Variants in PCDH15 observed in about 807,000 individuals in gnomAD.
PCDH15 encodes protocadherin related 15, also known as protocadherin-15.
In PCDH15, 129 loss-of-function variants were observed where a neutral mutation model predicts 178.5. That is an observed-to-expected ratio of 0.72 (90% CI 0.63 to 0.84). The LOEUF is 0.84. Ranked by LOEUF, PCDH15 falls within the 40% of genes least tolerant of loss-of-function variation. PCDH15 has a pLI of 0.00. For synonymous variants in PCDH15, 800 were observed against 732.0 expected, an observed-to-expected ratio of 1.09 and a Z score of -1.50; for missense variants, 2,230 against 2,099.9, an observed-to-expected ratio of 1.06 and a Z score of -1.21.
chr10:54,894,593 A>G (rs1179565150), intron 3 of PCDH15, among the ~76,000 whole-genome samples: 1 of 152,190 alleles, frequency 6.6e-6, no homozygotes, highest in Non-Finnish European at 1.5e-5. Flanking sequence ...TTGACTGTCT[A>G]TACCTGTAAC....
intron 9 of PCDH15, among the ~76,000 whole-genome samples, chr10:54,230,049 T>G (rs1480582074): frequency 2.0e-5 from 3 of 152,210 alleles, no homozygotes; most frequent in Non-Finnish European, 2.9e-5. Flanking sequence ...CTGATTCAGT[T>G]CTGGGATCAG....
intron 1 of PCDH15, among the ~76,000 whole-genome samples, chr10:55,318,062 A>G (rs1843774831): frequency 6.6e-6 from 1 of 152,202 alleles, no homozygotes; most frequent in African/African-American, 2.4e-5. Flanking sequence ...CCAAGTTTAG[A>G]GCGTAAAACA....
In PCDH15 at chr10:55,413,527, T is replaced by C. The variant is rs114092146; in HGVS notation, c.-156+214098A>G. On this transcript the variant is annotated intron_variant, in intron 2 of 5. Coordinates refer to the PCDH15 transcript ENST00000613346. ...CTGCTCTAAAATAGAAGGGGACTTA[T>C]ACTAGTAAAAATTCTATATATTTGG... Among the ~76,000 whole-genome samples, 641 of 151,872 alleles carry C rather than the reference T, an allele frequency of 4.2e-3. 9 individuals are homozygous for C. The highest frequency in any genetic ancestry group is 0.015 in the African/African-American group (614 of 41,518).
At chr10:53,941,099 A>T in intron 23 of PCDH15, 124 bp from the exon 24 acceptor site, 1 of 682,666 alleles carries the variant, frequency 1.5e-6, no homozygotes, top group South Asian at 1.7e-5. Flanking sequence ...TCACACATTC[A>T]TGGCCTCCTC....
chr10:55,163,799 C>T (rs1258396820), intron 2 of PCDH15, among the ~76,000 whole-genome samples: 2 of 152,076 alleles, frequency 1.3e-5, no homozygotes, highest in African/African-American at 2.4e-5. Context: ...TGGTCTAAAA[C>T]GGCAGGGAGG....
intron 3 of PCDH15, among the ~76,000 whole-genome samples, chr10:54,413,343 C>A (rs1226903529): frequency 6.6e-6 from 1 of 152,104 alleles, no homozygotes; most frequent in Non-Finnish European, 1.5e-5. Flanking sequence ...ACCACTTGAT[C>A]AAAGGTCATC....
intron 15 of PCDH15, among the ~76,000 whole-genome samples, chr10:54,092,767 A>G (rs1385289186): frequency 6.6e-6 from 1 of 152,092 alleles, no homozygotes; most frequent in Non-Finnish European, 1.5e-5. Context: ...TTATATCTGG[A>G]GACTATATCT....
intron 25 of PCDH15, among the ~76,000 whole-genome samples, chr10:53,933,364 C>G (rs1368059832): frequency 1.3e-5 from 2 of 151,274 alleles, no homozygotes; most frequent in Admixed American, 1.3e-4. Flanking sequence ...GTGATGTTCC[C>G]CTTCTGTGTC....
At chr10:54,513,378 G>A (rs117212013) in intron 3 of PCDH15, among the ~76,000 whole-genome samples, 5,758 of 151,312 alleles carry the variant, frequency 0.038, 125 homozygotes, top group East Asian at 0.082. Flanking sequence ...CTCATGCCTC[G>A]GCCTCCCAAG....
intron 20 of PCDH15, among the ~76,000 whole-genome samples, chr10:54,012,917 A>G (rs1039201531): frequency 5.3e-5 from 8 of 152,166 alleles, no homozygotes; most frequent in African/African-American, 1.9e-4. Flanking sequence ...TCAAATTCAC[A>G]CACATCAATA....
intron 2 of PCDH15, among the ~76,000 whole-genome samples, chr10:55,094,893 G>A (rs1324928742): frequency 6.8e-6 from 1 of 146,968 alleles, no homozygotes; most frequent in Admixed American, 6.8e-5. Context: ...ATGACATGAT[G>A]AAAACACACC....
chr10:55,151,361 G>A (rs1838707114), intron 2 of PCDH15, among the ~76,000 whole-genome samples: 1 of 151,976 alleles, frequency 6.6e-6, no homozygotes, highest in Admixed American at 6.6e-5. Flanking sequence ...AAATGATAAG[G>A]AATTGGAGAA....
At chr10:54,527,676 C>A in intron 3 of PCDH15, 136 bp downstream of exon 3, 5 of 523,932 alleles carry the variant, frequency 9.5e-6, no homozygotes, top group South Asian at 4.2e-5. Flanking sequence ...TAATTTAAAC[C>A]CATACTGGAG....
intron 1 of PCDH15, among the ~76,000 whole-genome samples, chr10:55,176,151 G>A (rs570400381): frequency 1.3e-5 from 2 of 152,156 alleles, no homozygotes; most frequent in East Asian, 1.9e-4. Flanking sequence ...CTGGATATAG[G>A]AGTGGCCATT....
chr10:54,585,889 T>C (rs1555079154), intron 2 of PCDH15, among the ~76,000 whole-genome samples: 1 of 152,148 alleles, frequency 6.6e-6, no homozygotes, highest in African/African-American at 2.4e-5. Flanking sequence ...ATTTGAAAAA[T>C]AGCCACTTCA....
At chr10:55,325,875 G>A (rs1457017883) in intron 2 of PCDH15, among the ~76,000 whole-genome samples, 1 of 151,882 alleles carries the variant, frequency 6.6e-6, no homozygotes, top group African/African-American at 2.4e-5. Flanking sequence ...AATCCATAAA[G>A]AACTTAAGTC....
intron 2 of PCDH15, among the ~76,000 whole-genome samples, chr10:54,635,150 CAAAT>C (rs1171899458): frequency 9.1e-6 from 1 of 109,850 alleles, no homozygotes; most frequent in East Asian, 2.4e-4. Context: ...GAAATGTATA[CAAAT>C]AGTCTCCTAT....
chr10:54,640,529 G>C (rs966339136), intron 2 of PCDH15, among the ~76,000 whole-genome samples: 1 of 151,882 alleles, frequency 6.6e-6, no homozygotes, highest in Non-Finnish European at 1.5e-5. Flanking sequence ...CCTACAAAAA[G>C]ATACTAAGTG....
intron 2 of PCDH15, among the ~76,000 whole-genome samples, chr10:54,627,315 A>C (rs2093582812): frequency 6.6e-6 from 1 of 152,098 alleles, no homozygotes; most frequent in African/African-American, 2.4e-5. Flanking sequence ...GTCCCCACCC[A>C]AATCTCATCT....
Sources: allele counts gnomAD v4.1 joint callset (sites outside exome capture counted in the v4.1 genomes callset), GRCh38; gene constraint gnomAD v4.1.1; transcripts MANE v1.5; gene names NCBI Gene and HGNC (gene_info 2026-07-23, HGNC 2026-07-21).